Variants in KLHL1 observed in about 807,000 individuals in gnomAD.
KLHL1 encodes kelch like family member 1, also known as kelch-like protein 1.
In KLHL1, 47 loss-of-function variants were observed where a neutral mutation model predicts 77.7. The observed-to-expected ratio is 0.60, with a 90% confidence interval of 0.48 to 0.77. The LOEUF is 0.77. Ranked by LOEUF, KLHL1 falls within the 30% of genes least tolerant of loss-of-function variation. KLHL1 has a pLI of 0.00. For synonymous variants in KLHL1, 360 were observed against 325.2 expected (o/e 1.11, Z -1.15); for missense variants, 925 against 910.8 (o/e 1.02, Z -0.20).
intron 1 of KLHL1, among the ~76,000 whole-genome samples, chr13:70,073,448 A>G (rs1345863800): frequency 2.6e-5 from 4 of 152,062 alleles, no homozygotes; most frequent in Non-Finnish European, 5.9e-5. Context: ...TAGGAGATAT[A>G]CCTAATGTAA....
At chr13:69,783,160 A>G (rs9564612) in intron 7 of KLHL1, among the ~76,000 whole-genome samples, 1 of 151,792 alleles carries the variant, frequency 6.6e-6, no homozygotes, top group African/African-American at 2.4e-5. Context: ...GACATCCACA[A>G]CAAAAACCCT....
rs564342646 is a variant in KLHL1 at position 69,953,144 on chromosome 13, TAATAA to T, written c.817+8159_817+8163del. Among the ~76,000 whole-genome samples, 19 of 140,556 alleles carry T rather than the reference TAATAA, an allele frequency of 1.4e-4. No homozygotes were observed. The South Asian group carries it at 3.6e-3, about 26-fold the overall frequency. The allele number at this position is 140,556 out of a possible 152,430, so 92.2% of individuals were successfully genotyped here. A position where few individuals can be genotyped will look rare whatever the true frequency, so the allele number is the denominator to read the frequency against. ...TTTATGATTCTTCTTCAGATTAATA[TAATAA>T]AATAAAATTAGACTTAAAATTATGA... On this transcript the variant is annotated intron_variant, in intron 3 of 10. Transcript: ENST00000377844.
At chr13:69,838,549 A>G (rs553687186) in intron 6 of KLHL1, among the ~76,000 whole-genome samples, 206 of 151,936 alleles carry the variant, frequency 1.4e-3, no homozygotes, top group African/African-American at 4.6e-3. Flanking sequence ...CCATTCTTAT[A>G]CTTCTTTATA....
chr13:69,739,602 G>A (rs1048907512), intron 8 of KLHL1, among the ~76,000 whole-genome samples: 5 of 152,170 alleles, frequency 3.3e-5, no homozygotes, highest in Admixed American at 3.3e-4. Flanking sequence ...TGCAATCCTA[G>A]TTTCTGACAA....
intron 1 of KLHL1, among the ~76,000 whole-genome samples, chr13:70,063,444 C>G (rs1379712306): frequency 6.6e-6 from 1 of 152,054 alleles, no homozygotes; most frequent in Non-Finnish European, 1.5e-5. Context: ...GACTTGATCA[C>G]TAGAACTGTG....
intron 1 of KLHL1, among the ~76,000 whole-genome samples, chr13:69,987,153 C>G (rs1365877608): frequency 6.6e-6 from 1 of 151,900 alleles, no homozygotes; most frequent in African/African-American, 2.4e-5. Context: ...TTGCTCTACT[C>G]AAGTTCACCA....
intron 8 of KLHL1, among the ~76,000 whole-genome samples, chr13:69,724,302 A>G (rs1476571333): frequency 6.6e-6 from 1 of 152,134 alleles, no homozygotes; most frequent in African/African-American, 2.4e-5. Context: ...CACCTTGGGC[A>G]CATGTCGTCA....
intron 1 of KLHL1, among the ~76,000 whole-genome samples, chr13:70,012,743 T>A (rs930776799): frequency 6.6e-6 from 1 of 151,940 alleles, no homozygotes; most frequent in African/African-American, 2.4e-5. Context: ...ACCCCGTCTC[T>A]ACTAAAAATA....
chr13:69,836,390 A>T (rs1878991857), intron 6 of KLHL1, among the ~76,000 whole-genome samples: 2 of 152,250 alleles, frequency 1.3e-5, no homozygotes, highest in South Asian at 4.1e-4. Context: ...GGAAGCTAAG[A>T]TGTTAACTTA....
chr13:69,751,134 G>T (rs1018013853), intron 7 of KLHL1, among the ~76,000 whole-genome samples: 2 of 151,700 alleles, frequency 1.3e-5, no homozygotes, highest in Non-Finnish European at 2.9e-5. Flanking sequence ...GTGTGTGTGT[G>T]TGTGTGTGTG....
intron 7 of KLHL1, among the ~76,000 whole-genome samples, chr13:69,753,960 C>T (rs1484162301): frequency 1.3e-5 from 2 of 152,026 alleles, no homozygotes; most frequent in Non-Finnish European, 2.9e-5. Context: ...CTTCAGCCTC[C>T]CAGGTAGCTG....
Position 69,961,423 on chromosome 13 carries a change from G to T in KLHL1, c.702C>A (p.Ser234=). The stretch of plus-strand genomic sequence containing the variant: ...TTGTAAACATGGCCGCAAAATAGTC[G>T]GAGACTGAACTCAGAACAAGCCTGA... The part of the protein sequence containing the change: ...PAHRLVLSSV[S]DYFAAMFTSD... Residue 234 remains serine (S), a synonymous_variant, in exon 3 of 11, where the codon TCC becomes TCA. Coordinates refer to ENST00000377844, the MANE Select transcript of KLHL1 (RefSeq NM_020866.3). 6.2e-7 allele frequency: 1 copy of T among 1,612,686 alleles called. No individual in the cohort carries two copies. Among genetic ancestry groups the T allele is most frequent in the Non-Finnish European group, 8.5e-7 (1 of 1,179,230 alleles).
chr13:69,796,762 T>C lies in KLHL1; in HGVS notation c.1615A>G (p.Met539Val). ...CCTAGACCATGTCTGTGTGTTGACATTGGTGGTAAGACAGTCCATGTCTTG... is the reference window on the plus strand; with the variant it reads ...CCTAGACCATGTCTGTGTGTTGACACTGGTGGTAAGACAGTCCATGTCTTG... ...KTKTWTVLPPMSTHRHGLGVT... is the reference protein window; with the variant it reads ...KTKTWTVLPPVSTHRHGLGVT... Residue 539 changes from methionine (M) to valine (V), a missense_variant, in exon 7 of 11, where the codon ATG (methionine) becomes GTG (valine). Coordinates refer to ENST00000377844, the MANE Select transcript of KLHL1 (RefSeq NM_020866.3). 6.2e-7 allele frequency: 1 copy of C among 1,612,490 alleles called. No individual in the cohort carries two copies. The highest frequency in any genetic ancestry group is 8.5e-7 in the Non-Finnish European group (1 of 1,178,508).
chr13:70,098,985 T>G (rs1037333254), intron 1 of KLHL1, among the ~76,000 whole-genome samples: 1 of 151,914 alleles, frequency 6.6e-6, no homozygotes, highest in African/African-American at 2.4e-5. Context: ...TAAATTTACT[T>G]TTTTTGTAAC....
chr13:70,093,699 A>T (rs1480499699), intron 1 of KLHL1, among the ~76,000 whole-genome samples: 2 of 152,130 alleles, frequency 1.3e-5, no homozygotes. Context: ...TTGACAAAGT[A>T]TTTTATGACT....
At chr13:69,963,977 A>AT (rs1479186826) in intron 2 of KLHL1, among the ~76,000 whole-genome samples, 5 of 151,800 alleles carry the variant, frequency 3.3e-5, no homozygotes, top group African/African-American at 1.2e-4. Flanking sequence ...TTCTAGGGTG[A>AT]TTTTTTTTGA....
intron 7 of KLHL1, among the ~76,000 whole-genome samples, chr13:69,742,525 A>C (rs989727085): frequency 2.0e-4 from 31 of 152,286 alleles, no homozygotes; most frequent in African/African-American, 7.5e-4. Flanking sequence ...TATTATTGGC[A>C]CCGATGACAC....
intron 6 of KLHL1, among the ~76,000 whole-genome samples, chr13:69,805,021 C>A (rs993138): frequency 0.38 from 57,652 of 151,424 alleles, 11,256 homozygotes; most frequent in African/African-American, 0.47. Context: ...TCATATTTCT[C>A]TGAAAAATAA....
intron 1 of KLHL1, among the ~76,000 whole-genome samples, chr13:69,982,667 T>G (rs1309893667): frequency 2.0e-5 from 3 of 151,572 alleles, no homozygotes; most frequent in Non-Finnish European, 2.9e-5. Flanking sequence ...ATTATTCAAT[T>G]AAAAGACATG....
Sources: gnomAD v4.1 joint callset for allele counts (sites outside exome capture counted in the v4.1 genomes callset) on GRCh38, gnomAD v4.1.1 for gene constraint, MANE v1.5 for transcripts, NCBI Gene and HGNC (gene_info 2026-07-23, HGNC 2026-07-21) for gene names.